The following PRKG1 variants were observed in gnomAD, a reference collection of about 807,000 sequenced individuals.
PRKG1 encodes the protein protein kinase cGMP-dependent 1.
A neutral mutation model predicts 88.1 loss-of-function variants in PRKG1; 35 were observed. The ratio of observed to expected loss-of-function variants is 0.40; its 90% CI spans 0.30 to 0.53. PRKG1 has a LOEUF of 0.53. PRKG1 is among the 20% of genes least tolerant of loss of function. The pLI is 0.59. For synonymous variants in PRKG1, 303 were observed against 292.5 expected, an observed-to-expected ratio of 1.04 and a Z score of -0.37; for missense variants, 540 against 839.8, an observed-to-expected ratio of 0.64 and a Z score of 4.41.
At chr10:51,414,121 A>T (rs1838174856) in intron 2 of PRKG1, among the ~76,000 whole-genome samples, 1 of 152,218 alleles carries the variant, frequency 6.6e-6, no homozygotes, top group Non-Finnish European at 1.5e-5. Flanking sequence ...GACTGCAGCT[A>T]ATGTGTGTGC....
rs1379117254 is a variant in PRKG1, at chr10:51,253,957, T to C, written c.478+100627T>C. Among the ~76,000 whole-genome samples the C allele has an allele frequency of 2.6e-5, 4 of 152,004 alleles. 1 individual carries two copies. The South Asian group carries it at 6.2e-4, about 24-fold the overall frequency. On this transcript the variant is annotated intron_variant, in intron 2 of 17. Transcript: ENST00000373980. ...ACAGCTTGGAAGAAAAATGTTGCCA[T>C]GTTTTTTGAAAGGGCAGCACAAACT... is the stretch of plus-strand genomic sequence containing the variant.
chr10:51,951,213 C>T (rs1336655153), intron 5 of PRKG1, among the ~76,000 whole-genome samples: 1 of 152,076 alleles, frequency 6.6e-6, no homozygotes, highest in Non-Finnish European at 1.5e-5. Context: ...AGAGACCTGC[C>T]CCTATGTGCT....
chr10:51,920,813 C>T (rs1055521763), intron 5 of PRKG1, among the ~76,000 whole-genome samples: 3 of 151,862 alleles, frequency 2.0e-5, no homozygotes, highest in African/African-American at 4.8e-5. Context: ...CATGAGTAGA[C>T]CTTATTATTT....
At chr10:51,856,542 T>A (rs913649908) in intron 4 of PRKG1, among the ~76,000 whole-genome samples, 1 of 152,192 alleles carries the variant, frequency 6.6e-6, no homozygotes. Context: ...TAAACCTTTT[T>A]TTTGCCCCAG....
intron 10 of PRKG1, among the ~76,000 whole-genome samples, chr10:52,253,150 G>C (rs140119981): frequency 2.0e-3 from 301 of 152,074 alleles, no homozygotes; most frequent in Middle Eastern, 6.8e-3. Flanking sequence ...GAATTTCTCA[G>C]AGAGTGATTG....
chr10:51,126,625 T>C lies in PRKG1; in HGVS notation c.312-26539T>C, dbSNP rs191448948. Among the ~76,000 whole-genome samples, 310 of 151,812 alleles carry C rather than the reference T, an allele frequency of 2.0e-3. 2 individuals are homozygous for C. Among genetic ancestry groups the C allele is most frequent in the African/African-American group, 7.2e-3 (300 of 41,452 alleles). On this transcript the variant is annotated intron_variant, in intron 1 of 17. Coordinates refer to ENST00000373980, the MANE Select transcript of PRKG1 (RefSeq NM_006258.4). ...ACAATTAGAAAAACATACTTTAAAT[T>C]TCATTTGGAACCCAAAAGAGCCCAT...
At chr10:51,641,050 A>G (rs940518519) in intron 3 of PRKG1, among the ~76,000 whole-genome samples, 3 of 113,858 alleles carry the variant, frequency 2.6e-5, no homozygotes, top group African/African-American at 7.9e-5. Flanking sequence ...AGAAACAAAT[A>G]TAATAAGATA....
chr10:51,420,387 G>A lies in PRKG1; in HGVS notation c.479-47336G>A, dbSNP rs1588941023. 3.3e-5 allele frequency among the ~76,000 whole-genome samples: 5 copies of A among 152,156 alleles called. No homozygotes were observed. In the South Asian group the frequency reaches 1.0e-3, roughly 32 times the overall value. The stretch of plus-strand genomic sequence containing the variant: ...TTCAACAGAATTTGTTGGGACTCCA[G>A]ATTTCTTATTTCTAGCAAACTCCCA... On this transcript the variant is annotated intron_variant, in intron 2 of 17. Transcript: ENST00000373980.
chr10:51,215,896 C>A (rs1838359746), intron 2 of PRKG1, among the ~76,000 whole-genome samples: 1 of 152,206 alleles, frequency 6.6e-6, no homozygotes, highest in African/African-American at 2.4e-5. Context: ...CTGAAAAGCA[C>A]TACTTTTTAG....
intron 1 of PRKG1, among the ~76,000 whole-genome samples, chr10:51,080,161 T>C (rs536634870): frequency 2.0e-5 from 3 of 152,340 alleles, no homozygotes; most frequent in African/African-American, 7.2e-5. Flanking sequence ...TATAAAAATG[T>C]ATGAGACCAG....
At chr10:51,582,236 A>T (rs574635512) in intron 3 of PRKG1, among the ~76,000 whole-genome samples, 1 of 152,326 alleles carries the variant, frequency 6.6e-6, no homozygotes, top group South Asian at 2.1e-4. Flanking sequence ...AAAATGTATT[A>T]TGTAAGCCGT....
intron 9 of PRKG1, among the ~76,000 whole-genome samples, chr10:52,248,290 C>T (rs1163807476): frequency 2.0e-5 from 3 of 152,164 alleles, no homozygotes; most frequent in African/African-American, 4.8e-5. Flanking sequence ...TTTTGGGGGG[C>T]TTGCTCCCAA....
chr10:51,562,251 G>T (rs1450619972), intron 3 of PRKG1, among the ~76,000 whole-genome samples: 1 of 151,662 alleles, frequency 6.6e-6, no homozygotes, highest in Non-Finnish European at 1.5e-5. Flanking sequence ...ACTGTAATGT[G>T]TGAAAATTAT....
chr10:52,089,890 C>G (rs77127193), intron 7 of PRKG1, among the ~76,000 whole-genome samples: 19,155 of 144,214 alleles, frequency 0.13, 1,702 homozygotes, highest in East Asian at 0.31. Context: ...TCTCGGCTCA[C>G]TGCAACCTCT....
intron 6 of PRKG1, among the ~76,000 whole-genome samples, chr10:52,061,511 G>T (rs913838901): frequency 1.3e-5 from 2 of 152,028 alleles, no homozygotes; most frequent in Admixed American, 1.3e-4. Flanking sequence ...TAACACAAAG[G>T]TACAAGTTAC....
chr10:51,091,273 A>G (rs1307618355), intron 1 of PRKG1, among the ~76,000 whole-genome samples: 5 of 152,218 alleles, frequency 3.3e-5, no homozygotes, highest in Admixed American at 3.3e-4. Context: ...CATGTAAAAT[A>G]CAAGGTTTTT....
intron 4 of PRKG1, 25 bp downstream of exon 4, chr10:51,804,715 G>A: frequency 6.8e-7 from 1 of 1,468,248 alleles, no homozygotes; most frequent in Non-Finnish European, 9.5e-7. Flanking sequence ...TTTCTCTTGT[G>A]AGAGTGTTTA....
intron 3 of PRKG1, among the ~76,000 whole-genome samples, chr10:51,725,817 T>A (rs966067771): frequency 4.0e-5 from 6 of 151,834 alleles, no homozygotes; most frequent in Non-Finnish European, 8.8e-5. Flanking sequence ...TATTTGTATT[T>A]TTTCAGTGAT....
At chr10:51,601,721 A>ATTTTTTTTTTTTTTTTTTTT (rs749205610) in intron 3 of PRKG1, among the ~76,000 whole-genome samples, 3 of 43,574 alleles carry the variant, frequency 6.9e-5, no homozygotes, top group Non-Finnish European at 9.1e-5. Flanking sequence ...GGCAGATTGA[A>ATTTTTTTTTTTTTTTTTTTT]TTTTTTTTTT....
Sources: gnomAD v4.1 joint callset for allele counts (sites outside exome capture counted in the v4.1 genomes callset) on GRCh38, gnomAD v4.1.1 for gene constraint, MANE v1.5 for transcripts, NCBI Gene and HGNC (gene_info 2026-07-23, HGNC 2026-07-21) for gene names.